The following CHUK variants were observed in gnomAD, a reference collection of about 807,000 sequenced individuals.
CHUK encodes inhibitor of nuclear factor kappa-B kinase subunit alpha.
CHUK carries 35 observed loss-of-function variants against 104.8 expected under a neutral mutation model. That is an observed-to-expected ratio of 0.33 (90% CI 0.26 to 0.44). CHUK has a LOEUF of 0.44. Ranked by LOEUF, CHUK falls within the 20% of genes least tolerant of loss-of-function variation. The pLI is 1.00. For synonymous variants in CHUK, 276 were observed against 291.9 expected (o/e 0.95, Z 0.56); for missense variants, 663 against 902.7 (o/e 0.73, Z 3.40).
chr10:100,217,915 A>T, intron 9 of CHUK, 80 bp downstream of exon 9: 2 of 1,308,770 alleles, frequency 1.5e-6, no homozygotes, highest in Non-Finnish European at 2.2e-6. Flanking sequence ...AAAGATTATT[A>T]AACTGTATTT....
At chr10:100,210,516 T>A (rs1207934812) in intron 9 of CHUK, among the ~76,000 whole-genome samples, 1 of 152,234 alleles carries the variant, frequency 6.6e-6, no homozygotes, top group Non-Finnish European at 1.5e-5. Context: ...ATTAGATCTT[T>A]TAATCTCCAT....
intron 1 of CHUK, among the ~76,000 whole-genome samples, chr10:100,227,847 A>G (rs564362631): frequency 6.6e-6 from 1 of 152,318 alleles, no homozygotes; most frequent in South Asian, 2.1e-4. Flanking sequence ...TTTAGATAAC[A>G]AATTATTACT....
intron 1 of CHUK, 61 bp downstream of exon 1, chr10:100,229,367 C>G: frequency 8.0e-7 from 1 of 1,257,370 alleles, no homozygotes; most frequent in South Asian, 1.2e-5. Flanking sequence ...CTGTGTTCCA[C>G]AGACGCTCAA....
Position 100,229,585 on chromosome 10 carries a change from C to CCTTGATAATCTCTTAA in CHUK, c.-54_-53insTTAAGAGATTATCAAG. ...TCCACAGTTGTTCCAAGGCCGGTTC[C>CCTTGATAATCTCTTAA]GGGCCGCCGATGCTCGCGCGTCTTT... On this transcript the variant is annotated 5_prime_UTR_variant, in exon 1 of 21. Transcript: ENST00000370397. 8.7e-7 allele frequency: 1 copy of CCTTGATAATCTCTTAA among 1,154,812 alleles called. No individual in the cohort carries two copies. The highest frequency in any genetic ancestry group is 1.2e-6 in the Non-Finnish European group (1 of 821,322). 71.5% of individuals were successfully genotyped at this position (1,154,812 alleles called of 1,614,324 possible). A position where few individuals can be genotyped will look rare whatever the true frequency, so the allele number is the denominator to read the frequency against.
At chr10:100,208,164 G>C (rs10883453) in intron 10 of CHUK, among the ~76,000 whole-genome samples, 5,656 of 152,038 alleles carry the variant, frequency 0.037, 282 homozygotes, top group East Asian at 0.27. Context: ...GGAGTGCAGC[G>C]GCGTGATCAT....
chr10:100,218,867 A>G (rs760386358), intron 7 of CHUK, 42 bp from the exon 8 acceptor site: 20 of 1,551,070 alleles, frequency 1.3e-5, no homozygotes, highest in Non-Finnish European at 8.0e-6. Context: ...AGTGATTCTC[A>G]CAAATTAAGA....
chr10:100,205,207 C>T lies in CHUK; in HGVS notation c.1232-8G>A, dbSNP rs765551670. 6.8e-6 allele frequency: 11 copies of T among 1,613,754 alleles called. No homozygotes were observed. Among genetic ancestry groups the T allele is most frequent in the Non-Finnish European group, 9.3e-6 (11 of 1,179,738 alleles). On this transcript the variant is annotated splice_polypyrimidine_tract_variant and splice_region_variant and intron_variant, in intron 11 of 20. Transcript: ENST00000370397. ...GTATTTTGCTGTCCTGTACTATATA[C>T]AAGAAGATGAGAAAAAGGGCAAGGG...
intron 10 of CHUK, among the ~76,000 whole-genome samples, chr10:100,208,781 C>CCAAAAAAAA (rs1245546118): frequency 2.8e-5 from 1 of 35,778 alleles, no homozygotes. Flanking sequence ...GCAAGACTGT[C>CCAAAAAAAA]TAAAAAAAAA....
chr10:100,221,046 A>C (rs1041424241), intron 4 of CHUK, among the ~76,000 whole-genome samples: 4 of 152,076 alleles, frequency 2.6e-5, no homozygotes, highest in African/African-American at 9.7e-5. Context: ...TGGGGAAACA[A>C]ATTTTTGGTT....
chr10:100,206,423 A>G (rs1463310730), intron 11 of CHUK, among the ~76,000 whole-genome samples: 1 of 152,032 alleles, frequency 6.6e-6, no homozygotes, highest in Non-Finnish European at 1.5e-5. Flanking sequence ...GGGGAGTTAT[A>G]TGAGAACTCT....
In CHUK at chr10:100,193,432, C is replaced by T; in HGVS notation, c.1975-1G>A. On this transcript the variant is annotated splice_acceptor_variant, in intron 18 of 20. Coordinates refer to ENST00000370397, the MANE Select transcript of CHUK (RefSeq NM_001278.5). LOFTEE classifies it high-confidence loss of function. ...CAAGGGACCGGGCAGAACTCTGTGT[C>T]TGAAGGAAAAGAAAAAAACATCAAA... 6.2e-7 allele frequency: 1 copy of T among 1,614,054 alleles called. No homozygotes were observed. The highest frequency in any genetic ancestry group is 8.5e-7 in the Non-Finnish European group (1 of 1,179,960).
chr10:100,196,334 C>G (rs1564830201), intron 16 of CHUK, among the ~76,000 whole-genome samples: 1 of 151,184 alleles, frequency 6.6e-6, no homozygotes, highest in African/African-American at 2.4e-5. Flanking sequence ...ATTAATATTA[C>G]TGTTCACTAT....
intron 10 of CHUK, among the ~76,000 whole-genome samples, 195 bp from the exon 11 acceptor site, chr10:100,207,527 A>C (rs1845616557): frequency 6.6e-6 from 1 of 152,252 alleles, no homozygotes; most frequent in Admixed American, 6.5e-5. Context: ...TATGGGCTAA[A>C]GTGAACAATC....
intron 9 of CHUK, among the ~76,000 whole-genome samples, chr10:100,212,962 C>T (rs778351798): frequency 1.1e-4 from 16 of 143,918 alleles, no homozygotes; most frequent in Non-Finnish European, 1.9e-4. Flanking sequence ...GCCAAGATCG[C>T]GCCACTGCAC....
intron 13 of CHUK, among the ~76,000 whole-genome samples, chr10:100,204,114 A>G (rs1323247130): frequency 6.6e-6 from 1 of 152,174 alleles, no homozygotes; most frequent in Non-Finnish European, 1.5e-5. Context: ...TCACTTCCCA[A>G]AGGCTCCACC....
At chr10:100,222,473 A>G (rs1418456786) in intron 3 of CHUK, among the ~76,000 whole-genome samples, 1 of 152,180 alleles carries the variant, frequency 6.6e-6, no homozygotes, top group African/African-American at 2.4e-5. Context: ...GAAAAAAAAG[A>G]TTGCAATACA....
chr10:100,226,084 G>T, intron 1 of CHUK, 67 bp from the exon 2 acceptor site: 3 of 945,782 alleles, frequency 3.2e-6, no homozygotes, highest in South Asian at 1.3e-5. Context: ...TGCTACCAAA[G>T]AAATAACTTA....
At chr10:100,218,939 GA>G (rs1006438785) in intron 7 of CHUK, 68 bp downstream of exon 7, 47 of 1,550,270 alleles carry the variant, frequency 3.0e-5, no homozygotes, top group African/African-American at 8.3e-5. Context: ...ATTAAAGAAA[GA>G]AAAAAAAAGA....
intron 1 of CHUK, among the ~76,000 whole-genome samples, chr10:100,226,567 T>G (rs1255939711): frequency 6.6e-6 from 1 of 152,194 alleles, no homozygotes; most frequent in African/African-American, 2.4e-5. Context: ...ACCTAACATC[T>G]CTTGCCTGTG....
Sources: gnomAD v4.1 joint callset for allele counts (sites outside exome capture counted in the v4.1 genomes callset) on GRCh38, gnomAD v4.1.1 for gene constraint, MANE v1.5 for transcripts, NCBI Gene and HGNC (gene_info 2026-07-23, HGNC 2026-07-21) for gene names.